MACROD2: variants seen among roughly 807,000 people sequenced by gnomAD.
MACROD2 encodes the protein ADP-ribose glycohydrolase MACROD2.
Under a neutral mutation model 70.4 loss-of-function variants are expected in MACROD2, and 36 were observed. The observed-to-expected ratio is 0.51, with a 90% CI of 0.39 to 0.68. The LOEUF (loss-of-function observed/expected upper bound fraction) is 0.68. Ranked by LOEUF, MACROD2 falls within the 30% of genes least tolerant of loss-of-function variation. The probability of loss-of-function intolerance (pLI) is 0.00; values close to 1 mark genes in which losing one functional copy is unlikely to be tolerated. For missense variants in MACROD2, 496 were observed against 538.4 expected (o/e 0.92, Z 0.78); for synonymous variants, 172 against 178.8 (o/e 0.96, Z 0.30).
chr20:14,373,782 T>C (rs2083347850), intron 3 of MACROD2, among the ~76,000 whole-genome samples: 1 of 152,176 alleles, frequency 6.6e-6, no homozygotes. Flanking sequence ...GTGCTCACAT[T>C]TAGGAGTAGT....
intron 6 of MACROD2, among the ~76,000 whole-genome samples, chr20:15,284,461 G>A (rs1327092177): frequency 2.0e-5 from 3 of 152,120 alleles, no homozygotes; most frequent in Non-Finnish European, 4.4e-5. Context: ...TTGTGTGGGG[G>A]AGGTGGGGAG....
chr20:15,905,855 C>G (rs75445038), intron 10 of MACROD2, among the ~76,000 whole-genome samples: 1,532 of 152,302 alleles, frequency 0.01, 27 homozygotes, highest in African/African-American at 0.035. Context: ...CCTGTTCTCT[C>G]CTACCTCTTG....
At chr20:15,311,982 G>A (rs993655846) in intron 6 of MACROD2, among the ~76,000 whole-genome samples, 4 of 151,808 alleles carry the variant, frequency 2.6e-5, no homozygotes, top group African/African-American at 9.7e-5. Context: ...AAATTGTTTT[G>A]GAAAGTAATA....
intron 12 of MACROD2, among the ~76,000 whole-genome samples, chr20:15,961,285 G>C (rs1337336998): frequency 6.6e-6 from 1 of 152,098 alleles, no homozygotes; most frequent in Non-Finnish European, 1.5e-5. Flanking sequence ...ATTGATGTTC[G>C]GGAGAAGTCA....
intron 5 of MACROD2, among the ~76,000 whole-genome samples, chr20:15,184,630 G>A (rs1044442197): frequency 6.6e-6 from 1 of 152,154 alleles, no homozygotes; most frequent in African/African-American, 2.4e-5. Context: ...ATATTTCATG[G>A]CTGGACCTGA....
chr20:15,256,343 A>T (rs2077199337), intron 6 of MACROD2, among the ~76,000 whole-genome samples: 1 of 152,038 alleles, frequency 6.6e-6, no homozygotes, highest in South Asian at 2.1e-4. Flanking sequence ...TTTTGAAAAG[A>T]TATTGCCTTG....
Position 14,610,036 on chromosome 20 carries a change from G to A in MACROD2, c.302-74807G>A, listed in dbSNP as rs1460249711. Among the ~76,000 whole-genome samples, 3 of 152,066 alleles carry A rather than the reference G, an allele frequency of 2.0e-5. 1 individual carries two copies. Among genetic ancestry groups the A allele is most frequent in the Admixed American group, 2.0e-4 (3 of 15,248 alleles). On this transcript the variant is annotated intron_variant, in intron 4 of 17. Coordinates refer to ENST00000684519, the MANE Select transcript of MACROD2 (RefSeq NM_001351661.2). The stretch of plus-strand genomic sequence containing the variant: ...AACACTTTCTGTCTTTAAATTTAAA[G>A]CAGCAATAAGCAGACATGTTCTGTA...
chr20:14,815,768 TTTG>T (rs1487541996), intron 5 of MACROD2, among the ~76,000 whole-genome samples: 3 of 152,028 alleles, frequency 2.0e-5, no homozygotes, highest in African/African-American at 7.2e-5. Context: ...AGTAACATTT[TTTG>T]TTTTTTATTT....
intron 5 of MACROD2, among the ~76,000 whole-genome samples, chr20:15,133,630 G>A (rs4239714): frequency 0.88 from 134,473 of 152,044 alleles, 59,629 homozygotes; most frequent in East Asian, 1. Flanking sequence ...TGGTCATACT[G>A]TTTGACCAAA....
At chr20:14,419,574 C>G (rs1191491976) in intron 3 of MACROD2, among the ~76,000 whole-genome samples, 3 of 152,244 alleles carry the variant, frequency 2.0e-5, no homozygotes, top group Non-Finnish European at 2.9e-5. Context: ...CCCGCTCTAG[C>G]TGCTATGTGT....
intron 8 of MACROD2, among the ~76,000 whole-genome samples, chr20:15,743,785 A>C (rs2051139453): frequency 6.6e-6 from 1 of 152,178 alleles, no homozygotes; most frequent in East Asian, 1.9e-4. Flanking sequence ...AATTGCTTCC[A>C]TCTCTGAATC....
chr20:14,961,140 G>T (rs1216406893), intron 5 of MACROD2, among the ~76,000 whole-genome samples: 5 of 152,166 alleles, frequency 3.3e-5, no homozygotes, highest in South Asian at 2.1e-4. Flanking sequence ...GAAAATGTGT[G>T]TGTAGGCATG....
chr20:14,288,715 T>G (rs1338290635), intron 3 of MACROD2, among the ~76,000 whole-genome samples: 1 of 152,174 alleles, frequency 6.6e-6, no homozygotes, highest in African/African-American at 2.4e-5. Context: ...TGTGTGTTTT[T>G]CAAGGAACTT....
At chr20:15,660,328 G>A (rs976449912) in intron 8 of MACROD2, among the ~76,000 whole-genome samples, 1 of 152,076 alleles carries the variant, frequency 6.6e-6, no homozygotes, top group African/African-American at 2.4e-5. Flanking sequence ...TTTGACATGT[G>A]TTAATTTCAG....
intron 5 of MACROD2, among the ~76,000 whole-genome samples, chr20:15,168,388 A>G (rs980384908): frequency 9.2e-5 from 14 of 151,510 alleles, no homozygotes; most frequent in African/African-American, 2.9e-4. Context: ...TGTGCTGCCA[A>G]AAGTTTGCCG....
intron 15 of MACROD2, among the ~76,000 whole-genome samples, chr20:16,015,499 G>C (rs2066917546): frequency 6.6e-6 from 1 of 152,134 alleles, no homozygotes; most frequent in East Asian, 1.9e-4. Flanking sequence ...AATTTCCCTG[G>C]ATATGTCAAA....
At chr20:15,677,439 T>A (rs142961024) in intron 8 of MACROD2, among the ~76,000 whole-genome samples, 1 of 152,180 alleles carries the variant, frequency 6.6e-6, no homozygotes, top group Non-Finnish European at 1.5e-5. Context: ...TGTGTGGCCA[T>A]CACTTATGCA....
At chr20:14,046,788 G>C (rs2053483772) in intron 2 of MACROD2, among the ~76,000 whole-genome samples, 1 of 150,754 alleles carries the variant, frequency 6.6e-6, no homozygotes, top group African/African-American at 2.4e-5. Flanking sequence ...TCACTAATGT[G>C]ATATTATTGA....
At chr20:15,462,533 G>C (rs539357703) in intron 7 of MACROD2, among the ~76,000 whole-genome samples, 4 of 152,226 alleles carry the variant, frequency 2.6e-5, no homozygotes, top group Admixed American at 1.3e-4. Flanking sequence ...AAAAATTCTT[G>C]AAAGATAGGA....
Sources: allele counts gnomAD v4.1 joint callset (sites outside exome capture counted in the v4.1 genomes callset), GRCh38; gene constraint gnomAD v4.1.1; transcripts MANE v1.5; gene names NCBI Gene and HGNC (gene_info 2026-07-23, HGNC 2026-07-21).